The following GCNT2 variants were observed in gnomAD, a reference collection of about 807,000 sequenced individuals.
The protein encoded by GCNT2 is glucosaminyl (N-acetyl) transferase 2 (I blood group).
In GCNT2, 34 loss-of-function variants were observed where a neutral mutation model predicts 34.2. The observed-to-expected ratio is 1.00, with a 90% confidence interval of 0.76 to 1.32. GCNT2 has a LOEUF of 1.32. GCNT2 is among the 40% of genes most tolerant of loss of function. The pLI is 0.00. For synonymous variants in GCNT2, 212 were observed against 188.0 expected, an observed-to-expected ratio of 1.13 and a Z score of -1.04; for missense variants, 584 against 489.4, an observed-to-expected ratio of 1.19 and a Z score of -1.82.
At chr6:10,586,170 T>G in intron 3 of GCNT2, 1 of 1,614,186 alleles carries the variant, frequency 6.2e-7, no homozygotes, top group Admixed American at 1.7e-5. Flanking sequence ...AGTCTTTTTG[T>G]GGGAAAATAT....
intron 3 of GCNT2, among the ~76,000 whole-genome samples, chr6:10,578,041 T>G (rs1430607763): frequency 6.6e-6 from 1 of 152,102 alleles, no homozygotes; most frequent in African/African-American, 2.4e-5. Context: ...TTGACCTCAT[T>G]CAAGAAATAT....
chr6:10,537,716 A>C (rs1457504845), intron 3 of GCNT2, among the ~76,000 whole-genome samples: 18 of 146,738 alleles, frequency 1.2e-4, no homozygotes, highest in African/African-American at 3.6e-4. Context: ...AAAAAAAAAA[A>C]AAAAAAAAAA....
chr6:10,616,220 G>A (rs1184438245), intron 3 of GCNT2, among the ~76,000 whole-genome samples: 1 of 152,120 alleles, frequency 6.6e-6, no homozygotes, highest in African/African-American at 2.4e-5. Flanking sequence ...GGAATTGTTT[G>A]TTCCTACCAG....
At position 10,581,257 on chromosome 6, in the gene GCNT2, GTATT is replaced by G. The variant is rs547996553; in HGVS notation, c.926-40084_926-40081del. ...GGTTTTGGGGTTTTGTTTTATGTAT[GTATT>G]TATTTATTTTTTATTTTTTATTTTT... On this transcript the variant is annotated intron_variant, in intron 3 of 4. Transcript: ENST00000495262. Among the ~76,000 whole-genome samples the G allele has an allele frequency of 9.9e-5, 15 of 152,124 alleles. No homozygotes were observed. In the South Asian group the frequency reaches 2.5e-3, roughly 25 times the overall value.
chr6:10,525,651 T>A (rs539629511), intron 1 of GCNT2, among the ~76,000 whole-genome samples: 13 of 152,346 alleles, frequency 8.5e-5, no homozygotes, highest in African/African-American at 3.1e-4. Flanking sequence ...ATTCTTTTTT[T>A]AAATGTCTAG....
At chr6:10,541,308 C>A (rs1267584247) in intron 3 of GCNT2, among the ~76,000 whole-genome samples, 1 of 152,174 alleles carries the variant, frequency 6.6e-6, no homozygotes, top group Non-Finnish European at 1.5e-5. Flanking sequence ...ATAATGTCTT[C>A]CAACTCTATC....
At chr6:10,535,428 C>G (rs569123147) in intron 3 of GCNT2, among the ~76,000 whole-genome samples, 1 of 152,338 alleles carries the variant, frequency 6.6e-6, no homozygotes, top group East Asian at 1.9e-4. Flanking sequence ...ATCTGGTCCA[C>G]AACAAGATGG....
intron 3 of GCNT2, chr6:10,619,136 T>C (rs1384349629): frequency 6.6e-6 from 1 of 152,196 alleles, no homozygotes; most frequent in Non-Finnish European, 1.5e-5. Flanking sequence ...TCTTGTCCAA[T>C]TTTTTCTTTA....
At chr6:10,576,046 C>T (rs1463211414) in intron 3 of GCNT2, among the ~76,000 whole-genome samples, 1 of 152,148 alleles carries the variant, frequency 6.6e-6, no homozygotes, top group Non-Finnish European at 1.5e-5. Flanking sequence ...TTCACACGGA[C>T]GTGCATGAAA....
intron 3 of GCNT2, among the ~76,000 whole-genome samples, chr6:10,618,148 C>T (rs1581491124): frequency 1.3e-5 from 2 of 152,322 alleles, no homozygotes; most frequent in Admixed American, 1.3e-4. Flanking sequence ...CCACTCCTGC[C>T]ACTTTCTGCG....
chr6:10,540,129 A>G (rs1420319889), intron 3 of GCNT2, among the ~76,000 whole-genome samples: 1 of 151,558 alleles, frequency 6.6e-6, no homozygotes, highest in Non-Finnish European at 1.5e-5. Context: ...TAAAGGATGG[A>G]AGGAAGGAAG....
intron 3 of GCNT2, among the ~76,000 whole-genome samples, chr6:10,611,328 TTC>T (rs1765543557): frequency 1.7e-5 from 2 of 116,176 alleles, no homozygotes; most frequent in Non-Finnish European, 3.9e-5. Context: ...TTTAATTTCT[TTC>T]TTTCTTTTTT....
intron 3 of GCNT2, among the ~76,000 whole-genome samples, chr6:10,552,374 G>A (rs1032802004): frequency 6.6e-6 from 1 of 151,542 alleles, no homozygotes; most frequent in African/African-American, 2.4e-5. Context: ...GTTTCCCCAG[G>A]TCCTGAATCC....
In GCNT2 at chr6:10,529,618, T is replaced by G; in HGVS notation, c.707T>G (p.Leu236Arg). Residue 236 changes from leucine to arginine, a missense_variant, in exon 3 of 5, where the codon CTG (leucine) becomes CGG (arginine). Physicochemically the swap from Leu to Arg is moderately radical, Grantham distance 102 (BLOSUM62 -2). Coordinates refer to ENST00000495262, the MANE Select transcript of GCNT2 (RefSeq NM_145649.5). ...CGGACTAAATACGTCCACCAAGAAC[T>G]GTTAAACCACAAAAATTCCTACGTG... ...VGRTKYVHQE[L>R]LNHKNSYVIK... 6.2e-7 allele frequency: 1 copy of G among 1,613,978 alleles called. No individual in the cohort carries two copies. The highest frequency in any genetic ancestry group is 1.1e-5 in the South Asian group (1 of 91,062).
intron 3 of GCNT2, among the ~76,000 whole-genome samples, chr6:10,607,365 A>C (rs992814942): frequency 6.6e-6 from 1 of 152,162 alleles, no homozygotes; most frequent in Non-Finnish European, 1.5e-5. Flanking sequence ...AGCAGGAGGA[A>C]GAGCAGAACG....
chr6:10,592,701 G>A (rs1001212910), intron 3 of GCNT2, among the ~76,000 whole-genome samples: 6 of 152,068 alleles, frequency 3.9e-5, no homozygotes, highest in African/African-American at 1.4e-4. Context: ...ATTGGGAAAC[G>A]CTACTCTTAA....
chr6:10,552,289 C>A (rs1197283957), intron 3 of GCNT2, among the ~76,000 whole-genome samples: 1 of 147,798 alleles, frequency 6.8e-6, no homozygotes, highest in Non-Finnish European at 1.5e-5. Context: ...GTATCATGAT[C>A]ATTATCATGT....
intron 3 of GCNT2, among the ~76,000 whole-genome samples, chr6:10,611,178 A>C (rs1419460454): frequency 6.6e-6 from 1 of 151,180 alleles, no homozygotes; most frequent in Non-Finnish European, 1.5e-5. Context: ...TGAGTCCAGG[A>C]GTTTGACAGC....
intron 3 of GCNT2, among the ~76,000 whole-genome samples, chr6:10,539,337 G>A (rs1761932819): frequency 1.3e-5 from 2 of 151,784 alleles, no homozygotes; most frequent in Non-Finnish European, 1.5e-5. Context: ...TTACAGGTAT[G>A]CACTACCACG....
Sources: gnomAD v4.1 joint callset for allele counts (sites outside exome capture counted in the v4.1 genomes callset) on GRCh38, gnomAD v4.1.1 for gene constraint, MANE v1.5 for transcripts, NCBI Gene and HGNC (gene_info 2026-07-23, HGNC 2026-07-21) for gene names.